The following SHANK2 variants were observed in gnomAD, a reference collection of about 807,000 sequenced individuals.
SHANK2 encodes the protein SH3 and multiple ankyrin repeat domains 2.
In SHANK2, 43 loss-of-function variants were observed where a neutral mutation model predicts 133.7. That is an observed-to-expected ratio of 0.32 (90% confidence interval 0.25 to 0.41). The LOEUF is 0.41. SHANK2 is among the 10% of genes least tolerant of loss of function. The pLI is 1.00. For synonymous variants in SHANK2, 1,017 were observed against 952.8 expected, an observed-to-expected ratio of 1.07 and a Z score of -1.24; for missense variants, 1,994 against 2,235.8, an observed-to-expected ratio of 0.89 and a Z score of 2.18.
intron 2 of SHANK2, among the ~76,000 whole-genome samples, chr11:71,207,523 C>T (rs1327470483): frequency 6.6e-6 from 1 of 152,160 alleles, no homozygotes; most frequent in Non-Finnish European, 1.5e-5. Flanking sequence ...GGCCAAGCCT[C>T]CTACATTAGG....
rs148915873 is a variant in SHANK2, at chr11:71,152,605, G to A, written c.-12-5267C>T. ...GGACTCCTGTGTCCCCTTGGTACCG[G>A]CTCTGGGGGTGATGGTCACAAACAG... On this transcript the variant is annotated intron_variant, in intron 2 of 25. Transcript: ENST00000601538. Among the ~76,000 whole-genome samples, 410 of 152,300 alleles carry A rather than the reference G, an allele frequency of 2.7e-3. 2 individuals are homozygous for A. The highest frequency in any genetic ancestry group is 4.5e-3 in the Non-Finnish European group (303 of 68,020).
chr11:70,686,377 T>TCATC (rs144120117), intron 15 of SHANK2, among the ~76,000 whole-genome samples: 2 of 135,490 alleles, frequency 1.5e-5, no homozygotes, highest in African/African-American at 5.7e-5. Flanking sequence ...CCTCATCTAT[T>TCATC]CATCCATCCA....
At chr11:70,740,258 G>A (rs1246114895) in intron 14 of SHANK2, among the ~76,000 whole-genome samples, 1 of 152,246 alleles carries the variant, frequency 6.6e-6, no homozygotes, top group Non-Finnish European at 1.5e-5. Context: ...CTCTGCCGCT[G>A]CAGCCCACAT....
intron 15 of SHANK2, among the ~76,000 whole-genome samples, chr11:70,687,547 G>C (rs1043669248): frequency 6.6e-6 from 1 of 151,090 alleles, no homozygotes; most frequent in Non-Finnish European, 1.5e-5. Context: ...TACCAATCAA[G>C]GTGGATATAA....
At chr11:70,720,004 A>G (rs1591784483) in intron 14 of SHANK2, among the ~76,000 whole-genome samples, 1 of 152,268 alleles carries the variant, frequency 6.6e-6, no homozygotes, top group East Asian at 1.9e-4. Flanking sequence ...GGGTGACCCC[A>G]GGCAGGTTCC....
intron 2 of SHANK2, among the ~76,000 whole-genome samples, chr11:71,164,455 C>T (rs573161772): frequency 7.0e-4 from 107 of 152,332 alleles, no homozygotes; most frequent in African/African-American, 2.4e-3. Flanking sequence ...ACCCAGCGGG[C>T]CCCAGTGTCC....
At chr11:70,645,056 T>C (rs1555007761) in intron 17 of SHANK2, among the ~76,000 whole-genome samples, 1 of 152,040 alleles carries the variant, frequency 6.6e-6, no homozygotes, top group East Asian at 1.9e-4. Context: ...ACCCAGTCTT[T>C]ACTAAAACTA....
chr11:71,180,398 T>G (rs1417525413), intron 2 of SHANK2, among the ~76,000 whole-genome samples: 1 of 152,132 alleles, frequency 6.6e-6, no homozygotes, highest in Non-Finnish European at 1.5e-5. Context: ...GGTGACAAGC[T>G]TTGTTAATTT....
At chr11:70,845,786 GAGA>G (rs1406300166) in intron 11 of SHANK2, among the ~76,000 whole-genome samples, 6 of 152,204 alleles carry the variant, frequency 3.9e-5, no homozygotes, top group South Asian at 4.2e-4. Flanking sequence ...AGAACAAAGC[GAGA>G]AGGAGAGCCC....
intron 14 of SHANK2, among the ~76,000 whole-genome samples, chr11:70,740,106 TCC>T: frequency 6.7e-6 from 1 of 150,112 alleles, no homozygotes; most frequent in Non-Finnish European, 1.5e-5. Context: ...CATGGCTCCG[TCC>T]ACAGCACCTA....
intron 11 of SHANK2, among the ~76,000 whole-genome samples, chr11:70,854,518 T>G (rs1274339072): frequency 1.3e-5 from 2 of 152,136 alleles, no homozygotes; most frequent in African/African-American, 2.4e-5. Flanking sequence ...GAAATCCAAC[T>G]GAGCGCATGC....
At chr11:71,231,667 C>T (rs370987040) in intron 1 of SHANK2, among the ~76,000 whole-genome samples, 27 of 152,172 alleles carry the variant, frequency 1.8e-4, no homozygotes, top group East Asian at 1.3e-3. Context: ...GTAGGTGAAT[C>T]GCTTTGACCC....
At chr11:71,152,939 C>G (rs1952825295) in intron 2 of SHANK2, among the ~76,000 whole-genome samples, 1 of 152,168 alleles carries the variant, frequency 6.6e-6, no homozygotes, top group African/African-American at 2.4e-5. Flanking sequence ...AGGCGCAAGT[C>G]CCATCTGCAT....
rs145335623 is a variant in SHANK2, at chr11:70,738,511, T to C, written c.1778-39748A>G. ...CCCTCGTGTGCGGGGAGCAAGTGCA[T>C]TCCCAGGGCCCATTGCAGGGAAGTC... On this transcript the variant is annotated intron_variant, in intron 14 of 25. Coordinates refer to ENST00000601538, the MANE Select transcript of SHANK2 (RefSeq NM_012309.5). Among the ~76,000 whole-genome samples, 277 of 152,288 alleles carry C rather than the reference T, an allele frequency of 1.8e-3. 2 individuals carry two copies. The highest frequency in any genetic ancestry group is 6.4e-3 in the African/African-American group (267 of 41,562).
intron 2 of SHANK2, among the ~76,000 whole-genome samples, chr11:71,196,430 C>T (rs550181581): frequency 5.3e-5 from 8 of 152,050 alleles, no homozygotes; most frequent in East Asian, 2.0e-4. Flanking sequence ...GGATTACAGG[C>T]GCATGCCACC....
chr11:70,575,323 C>G (rs758318558), intron 17 of SHANK2, among the ~76,000 whole-genome samples: 1 of 152,020 alleles, frequency 6.6e-6, no homozygotes, highest in Non-Finnish European at 1.5e-5. Context: ...ACCAGCCTGG[C>G]CAAAATGGCA....
chr11:71,195,410 T>G (rs1953884303), intron 2 of SHANK2, among the ~76,000 whole-genome samples: 1 of 151,234 alleles, frequency 6.6e-6, no homozygotes, highest in Non-Finnish European at 1.5e-5. Context: ...AAAAAGTGCC[T>G]AACCAATTAA....
At chr11:70,946,339 G>A (rs143037350) in intron 10 of SHANK2, among the ~76,000 whole-genome samples, 6,910 of 85,036 alleles carry the variant, frequency 0.081, 534 homozygotes, top group African/African-American at 0.17. Context: ...CCCAGGATCA[G>A]CCTCCCTCTC....
At chr11:70,766,675 G>A (rs1426189558) in intron 14 of SHANK2, among the ~76,000 whole-genome samples, 1 of 152,136 alleles carries the variant, frequency 6.6e-6, no homozygotes, top group Non-Finnish European at 1.5e-5. Context: ...AGACGGGGCC[G>A]GAATGCTCCT....
Sources: gnomAD v4.1 joint callset for allele counts (sites outside exome capture counted in the v4.1 genomes callset) on GRCh38, gnomAD v4.1.1 for gene constraint, MANE v1.5 for transcripts, NCBI Gene and HGNC (gene_info 2026-07-23, HGNC 2026-07-21) for gene names.